ZNF804A: variants seen among roughly 807,000 people sequenced by gnomAD.
The protein encoded by ZNF804A is zinc finger protein 804A.
ZNF804A carries 2 observed loss-of-function variants against 16.5 expected under a neutral mutation model. That is an observed-to-expected ratio of 0.12 (90% CI 0.05 to 0.38). ZNF804A has a LOEUF of 0.38. ZNF804A is among the 10% of genes least tolerant of loss of function. The pLI is 0.99. For synonymous variants in ZNF804A, 534 were observed against 489.6 expected, an observed-to-expected ratio of 1.09 and a Z score of -1.20; for missense variants, 1,473 against 1,390.7, an observed-to-expected ratio of 1.06 and a Z score of -0.94.
chr2:184,637,232 A>G (rs775426942), intron 1 of ZNF804A, among the ~76,000 whole-genome samples: 7 of 152,166 alleles, frequency 4.6e-5, no homozygotes, highest in Middle Eastern at 3.2e-3. Flanking sequence ...CCTGATAATT[A>G]TATAGTAAAC....
chr2:184,726,120 T>C (rs895954034), intron 1 of ZNF804A, among the ~76,000 whole-genome samples: 5 of 151,656 alleles, frequency 3.3e-5, no homozygotes, highest in Non-Finnish European at 7.4e-5. Flanking sequence ...TGTAAAGAAA[T>C]AAGTTTTCTT....
At chr2:184,794,692 C>T (rs1261635453) in intron 1 of ZNF804A, among the ~76,000 whole-genome samples, 1 of 152,056 alleles carries the variant, frequency 6.6e-6, no homozygotes, top group Admixed American at 6.6e-5. Flanking sequence ...CCTAAATGCT[C>T]TGCATAAAAG....
chr2:184,883,694 A>G lies in ZNF804A; in HGVS notation c.255+17182A>G, dbSNP rs117736653. On this transcript the variant is annotated intron_variant, in intron 2 of 3. Coordinates refer to ENST00000302277, the MANE Select transcript of ZNF804A (RefSeq NM_194250.2). ...TGACTATATAAATAGAACCAAAACT[A>G]AAAAAACACATGATCATCTCAATAG... Among the ~76,000 whole-genome samples the G allele has an allele frequency of 2.2e-3, 331 of 152,150 alleles. 14 individuals are homozygous for G. The East Asian group carries it at 0.062, about 28-fold the overall frequency.
chr2:184,604,338 T>A (rs1054904132), intron 1 of ZNF804A, among the ~76,000 whole-genome samples: 1 of 150,298 alleles, frequency 6.7e-6, no homozygotes, highest in African/African-American at 2.4e-5. Context: ...GCCCGGCTAA[T>A]TTTTTTTTGT....
chr2:184,624,383 T>A (rs1691466404), intron 1 of ZNF804A, among the ~76,000 whole-genome samples: 1 of 152,188 alleles, frequency 6.6e-6, no homozygotes, highest in African/African-American at 2.4e-5. Context: ...TTCATCTCAC[T>A]TTGATAAAAA....
At chr2:184,696,387 G>A (rs2105728652) in intron 1 of ZNF804A, among the ~76,000 whole-genome samples, 1 of 152,220 alleles carries the variant, frequency 6.6e-6, no homozygotes, top group African/African-American at 2.4e-5. Flanking sequence ...AGTAAAAAGA[G>A]GGATGGGGTG....
At chr2:184,642,332 A>G (rs1046079303) in intron 1 of ZNF804A, among the ~76,000 whole-genome samples, 24 of 151,696 alleles carry the variant, frequency 1.6e-4, no homozygotes, top group Admixed American at 3.9e-4. Flanking sequence ...CACCATTTCT[A>G]CTCTCCATTC....
At chr2:184,639,015 T>G (rs549113270) in intron 1 of ZNF804A, among the ~76,000 whole-genome samples, 6 of 151,900 alleles carry the variant, frequency 3.9e-5, no homozygotes, top group Non-Finnish European at 7.4e-5. Flanking sequence ...ATCACTTTGT[T>G]AGGTATGTTC....
intron 1 of ZNF804A, among the ~76,000 whole-genome samples, chr2:184,776,942 G>A (rs1384409784): frequency 6.6e-6 from 1 of 151,490 alleles, no homozygotes; most frequent in Non-Finnish European, 1.5e-5. Context: ...AAAATTATAT[G>A]TTAGCATGTA....
chr2:184,634,348 T>C (rs915266103), intron 1 of ZNF804A, among the ~76,000 whole-genome samples: 1 of 152,138 alleles, frequency 6.6e-6, no homozygotes, highest in Non-Finnish European at 1.5e-5. Flanking sequence ...CCCTCAGATG[T>C]CCACATATTA....
chr2:184,606,144 G>C (rs1691140951), intron 1 of ZNF804A, among the ~76,000 whole-genome samples: 1 of 152,104 alleles, frequency 6.6e-6, no homozygotes, highest in African/African-American at 2.4e-5. Flanking sequence ...AGTTTTATGT[G>C]TCACCTACAA....
chr2:184,813,147 C>T (rs1198320854), intron 1 of ZNF804A, among the ~76,000 whole-genome samples: 1 of 151,852 alleles, frequency 6.6e-6, no homozygotes, highest in Non-Finnish European at 1.5e-5. Flanking sequence ...TTTAATTGTT[C>T]ATTTTAACCA....
At chr2:184,887,321 G>C (rs1684909059) in intron 2 of ZNF804A, among the ~76,000 whole-genome samples, 1 of 152,160 alleles carries the variant, frequency 6.6e-6, no homozygotes, top group African/African-American at 2.4e-5. Flanking sequence ...TCAGCATTTT[G>C]GGCCAAGTCA....
chr2:184,848,801 T>A (rs982281575), intron 1 of ZNF804A, among the ~76,000 whole-genome samples: 1 of 152,058 alleles, frequency 6.6e-6, no homozygotes, highest in Non-Finnish European at 1.5e-5. Context: ...TGAGGAATTA[T>A]TGGAACAATT....
chr2:184,858,460 C>T (rs187814620), intron 1 of ZNF804A, among the ~76,000 whole-genome samples: 313 of 149,836 alleles, frequency 2.1e-3, no homozygotes, highest in African/African-American at 7.1e-3. Context: ...GCCGAGATCG[C>T]GCCACTGCAC....
chr2:184,734,159 T>G (rs1693571283), intron 1 of ZNF804A, among the ~76,000 whole-genome samples: 1 of 152,006 alleles, frequency 6.6e-6, no homozygotes, highest in African/African-American at 2.4e-5. Context: ...GCTCACTGCA[T>G]GCTCAAACAC....
At chr2:184,890,054 C>T (rs1347771227) in intron 2 of ZNF804A, among the ~76,000 whole-genome samples, 1 of 152,068 alleles carries the variant, frequency 6.6e-6, no homozygotes, top group Admixed American at 6.5e-5. Flanking sequence ...GTTGATACCA[C>T]TTTAGTGATA....
At chr2:184,667,849 A>G (rs568645729) in intron 1 of ZNF804A, among the ~76,000 whole-genome samples, 1 of 152,000 alleles carries the variant, frequency 6.6e-6, no homozygotes, top group East Asian at 1.9e-4. Context: ...AATAGCTATC[A>G]TATAATGTAT....
At chr2:184,851,879 A>T (rs1291611170) in intron 1 of ZNF804A, among the ~76,000 whole-genome samples, 2 of 151,726 alleles carry the variant, frequency 1.3e-5, no homozygotes, top group African/African-American at 2.4e-5. Flanking sequence ...CAGACATCCT[A>T]ACAGGTTTGA....
Sources: gnomAD v4.1 joint callset for allele counts (sites outside exome capture counted in the v4.1 genomes callset) on GRCh38, gnomAD v4.1.1 for gene constraint, MANE v1.5 for transcripts, NCBI Gene and HGNC (gene_info 2026-07-23, HGNC 2026-07-21) for gene names.